CLPB: variants seen among roughly 807,000 people sequenced by gnomAD.
CLPB encodes the protein mitochondrial disaggregase.
In CLPB, 40 loss-of-function variants were observed where a neutral mutation model predicts 78.4. The observed-to-expected ratio is 0.51, with a 90% confidence interval of 0.40 to 0.66. The LOEUF is 0.66. Among genes scored for constraint, CLPB ranks in the 30% least tolerant of loss-of-function variants. The probability of loss-of-function intolerance (pLI) is 0.00; values close to 1 mark genes in which losing one functional copy is unlikely to be tolerated. For missense variants in CLPB, 780 were observed against 886.9 expected, an observed-to-expected ratio of 0.88 and a Z score of 1.53; for synonymous variants, 333 against 348.0, an observed-to-expected ratio of 0.96 and a Z score of 0.48.
intron 5 of CLPB, chr11:72,354,421 T>C (rs569410235): frequency 2.1e-4 from 84 of 397,974 alleles, no homozygotes; most frequent in Non-Finnish European, 2.7e-4. Context: ...TGATTAGAGA[T>C]ATGTTTTAGG....
intron 8 of CLPB, among the ~76,000 whole-genome samples, chr11:72,307,545 C>G (rs1207810293): frequency 1.3e-5 from 2 of 152,168 alleles, no homozygotes; most frequent in Non-Finnish European, 2.9e-5. Flanking sequence ...CCAGAACCAA[C>G]TTGCTTTTTA....
At chr11:72,340,875 G>A (rs1950408109) in intron 5 of CLPB, among the ~76,000 whole-genome samples, 2 of 152,182 alleles carry the variant, frequency 1.3e-5, no homozygotes, top group African/African-American at 2.4e-5. Flanking sequence ...TTTTGAGCTG[G>A]AGTCTCGCTC....
At position 72,294,456 on chromosome 11, in the gene CLPB, G is replaced by C. The variant is rs1835507515; in HGVS notation, c.1561-12C>G. The C allele has an allele frequency of 6.2e-7, 1 of 1,614,008 alleles. No individual in the cohort carries two copies. Among genetic ancestry groups the C allele is most frequent in the Admixed American group, 1.7e-5 (1 of 60,012 alleles). ...CTCCGGAAGTGAGCCTGAAGGGCCA[G>C]GTTAGGGGTGGGATGAGCTCAGTGA... On this transcript the variant is annotated splice_polypyrimidine_tract_variant and intron_variant, in intron 13 of 15. Coordinates refer to ENST00000538039, the MANE Select transcript of CLPB (RefSeq NM_001258392.3).
At chr11:72,346,599 AG>A (rs1950518815) in intron 5 of CLPB, among the ~76,000 whole-genome samples, 1 of 151,754 alleles carries the variant, frequency 6.6e-6, no homozygotes, top group African/African-American at 2.4e-5. Context: ...AAAAAAAAAA[AG>A]ATGGAGATAT....
At chr11:72,362,754 T>C (rs1267767027) in intron 4 of CLPB, among the ~76,000 whole-genome samples, 1 of 152,160 alleles carries the variant, frequency 6.6e-6, no homozygotes, top group African/African-American at 2.4e-5. Flanking sequence ...TCTCAATAAA[T>C]GTTAGTCATT....
At chr11:72,406,709 C>T (rs964474733) in intron 2 of CLPB, among the ~76,000 whole-genome samples, 1 of 152,212 alleles carries the variant, frequency 6.6e-6, no homozygotes, top group African/African-American at 2.4e-5. Flanking sequence ...GCAAAGCTGG[C>T]TCTAGGCACT....
chr11:72,406,790 G>A (rs1269990305), intron 2 of CLPB, among the ~76,000 whole-genome samples: 1 of 152,220 alleles, frequency 6.6e-6, no homozygotes, highest in African/African-American at 2.4e-5. Flanking sequence ...TACTGGGGAG[G>A]AGACAGAGAG....
chr11:72,431,595 A>G (rs1348136298), intron 1 of CLPB, among the ~76,000 whole-genome samples: 1 of 152,184 alleles, frequency 6.6e-6, no homozygotes, highest in Non-Finnish European at 1.5e-5. Context: ...GGTCCTTTCT[A>G]CTTACCTTAC....
chr11:72,407,392 T>C (rs1203389231), intron 2 of CLPB, among the ~76,000 whole-genome samples: 2 of 152,254 alleles, frequency 1.3e-5, no homozygotes, highest in African/African-American at 2.4e-5. Flanking sequence ...TATATTATTG[T>C]TTTATCTTGC....
At chr11:72,315,300 G>C (rs775600812) in intron 7 of CLPB, among the ~76,000 whole-genome samples, 5 of 152,206 alleles carry the variant, frequency 3.3e-5, no homozygotes, top group Non-Finnish European at 7.3e-5. Flanking sequence ...CCTTTCTGAG[G>C]AGCATGGTGG....
chr11:72,385,193 C>A (rs1195251453), intron 3 of CLPB, among the ~76,000 whole-genome samples: 1 of 152,182 alleles, frequency 6.6e-6, no homozygotes, highest in African/African-American at 2.4e-5. Flanking sequence ...TGGCAAGTTT[C>A]CTTCCAAACC....
Position 72,292,189 on chromosome 11 carries a change from T to A in CLPB, c.*1178A>T, listed in dbSNP as rs2135481458. On this transcript the variant is annotated 3_prime_UTR_variant, in exon 16 of 16. Coordinates refer to ENST00000538039, the MANE Select transcript of CLPB (RefSeq NM_001258392.3). ...ACCATACTGTTAGGACATGCTTCCA[T>A]TACCCAAGGGACTTTGATTCCTGGC... 6.6e-6 allele frequency: 1 copy of A among 152,346 alleles called. No individual in the cohort carries two copies. Among genetic ancestry groups the A allele is most frequent in the Non-Finnish European group, 1.5e-5 (1 of 68,102 alleles). 9.4% of individuals were successfully genotyped at this position (152,346 alleles called of 1,614,324 possible).
chr11:72,428,316 T>C (rs1371221356), intron 2 of CLPB, among the ~76,000 whole-genome samples: 1 of 152,082 alleles, frequency 6.6e-6, no homozygotes, highest in East Asian at 1.9e-4. Flanking sequence ...CATCCTTCAC[T>C]CCTCTGCAAG....
chr11:72,401,300 G>C (rs1050150265), intron 3 of CLPB, among the ~76,000 whole-genome samples: 1 of 152,100 alleles, frequency 6.6e-6, no homozygotes, highest in African/African-American at 2.4e-5. Flanking sequence ...AATTAGCTGG[G>C]TGTGGTGGTG....
intron 2 of CLPB, among the ~76,000 whole-genome samples, chr11:72,421,727 G>A (rs1203420427): frequency 2.0e-5 from 3 of 152,156 alleles, no homozygotes; most frequent in Non-Finnish European, 2.9e-5. Context: ...CTGGGCAGTT[G>A]ACCACCTGCT....
At position 72,294,144 on chromosome 11, in the gene CLPB, G is replaced by C. The variant is rs1222601651; in HGVS notation, c.1681-18C>G. ...TGCTTGGCCTGAGATGGGTCAGATA[G>C]AAGCATGCCTGCATGTGGCCCACTG... On this transcript the variant is annotated intron_variant, in intron 14 of 15. Coordinates refer to ENST00000538039, the MANE Select transcript of CLPB (RefSeq NM_001258392.3). The C allele has an allele frequency of 1.9e-6, 3 of 1,612,516 alleles. No homozygotes were observed. Among genetic ancestry groups the C allele is most frequent in the African/African-American group, 1.3e-5 (1 of 75,040 alleles).
chr11:72,343,903 G>C (rs985872527), intron 5 of CLPB, among the ~76,000 whole-genome samples: 6 of 152,148 alleles, frequency 3.9e-5, no homozygotes, highest in South Asian at 2.1e-4. Flanking sequence ...CACTCAGTAG[G>C]AGTTTAAAAA....
intron 3 of CLPB, among the ~76,000 whole-genome samples, chr11:72,399,097 G>C (rs911369083): frequency 1.3e-5 from 2 of 150,426 alleles, no homozygotes; most frequent in Non-Finnish European, 3.0e-5. Flanking sequence ...AATACATAAA[G>C]ATATAACTCT....
At chr11:72,329,264 G>C (rs898350870) in intron 6 of CLPB, among the ~76,000 whole-genome samples, 1 of 152,120 alleles carries the variant, frequency 6.6e-6, no homozygotes. Context: ...GAGGGGTGAA[G>C]GAATAGTTCT....
Sources: gnomAD v4.1 joint callset for allele counts (sites outside exome capture counted in the v4.1 genomes callset) on GRCh38, gnomAD v4.1.1 for gene constraint, MANE v1.5 for transcripts, NCBI Gene and HGNC (gene_info 2026-07-23, HGNC 2026-07-21) for gene names.